The following CALN1 variants were observed in gnomAD, a reference collection of about 807,000 sequenced individuals.
CALN1 encodes the protein calneuron 1, also known as calcium-binding protein 8.
CALN1 carries 17 observed loss-of-function variants against 30.6 expected under a neutral mutation model. The observed-to-expected ratio is 0.56, with a 90% CI of 0.38 to 0.83. The LOEUF (loss-of-function observed/expected upper bound fraction) is 0.83, where lower values mean the gene tolerates loss of function less well. Ranked by LOEUF, CALN1 falls within the 40% of genes least tolerant of loss-of-function variation. CALN1 has a pLI of 0.00. For synonymous variants in CALN1, 156 were observed against 131.4 expected, an observed-to-expected ratio of 1.19 and a Z score of -1.28; for missense variants, 291 against 354.9, an observed-to-expected ratio of 0.82 and a Z score of 1.45.
intron 3 of CALN1, among the ~76,000 whole-genome samples, chr7:72,248,289 A>T (rs1795324188): frequency 6.6e-6 from 1 of 151,992 alleles, no homozygotes; most frequent in East Asian, 1.9e-4. Flanking sequence ...TAATTTTTGT[A>T]TTTTTAGTAG....
At chr7:72,167,115 A>G (rs960065775) in intron 3 of CALN1, among the ~76,000 whole-genome samples, 2 of 152,148 alleles carry the variant, frequency 1.3e-5, no homozygotes, top group African/African-American at 2.4e-5. Context: ...AAGAAGTAAA[A>G]TAAGAATTGT....
At chr7:72,415,898 G>A (rs1807406450), upstream of CALN1, among the ~76,000 whole-genome samples, 1 of 152,198 alleles carries the variant, frequency 6.6e-6, no homozygotes, top group Non-Finnish European at 1.5e-5. Flanking sequence ...AGGTGCCTGA[G>A]TCTGATCTGT....
At chr7:72,335,809 T>A (rs1349615984) in intron 2 of CALN1, among the ~76,000 whole-genome samples, 1 of 152,098 alleles carries the variant, frequency 6.6e-6, no homozygotes, top group Non-Finnish European at 1.5e-5. Flanking sequence ...CGCAAGCCGA[T>A]CCCCTCGGTG....
chr7:72,313,681 G>C (rs1585450095), intron 2 of CALN1, among the ~76,000 whole-genome samples: 1 of 150,826 alleles, frequency 6.6e-6, no homozygotes, highest in Middle Eastern at 3.4e-3. Flanking sequence ...ACAGGCATGA[G>C]GCACCGTGCC....
intron 4 of CALN1, among the ~76,000 whole-genome samples, chr7:72,102,398 T>TCATG (rs1322431694): frequency 6.6e-6 from 1 of 152,108 alleles, no homozygotes; most frequent in African/African-American, 2.4e-5. Flanking sequence ...TGAGCCAAGA[T>TCATG]CATGCCACTG....
At chr7:72,276,300 A>C (rs1269527404) in intron 3 of CALN1, among the ~76,000 whole-genome samples, 2 of 152,166 alleles carry the variant, frequency 1.3e-5, no homozygotes, top group Non-Finnish European at 2.9e-5. Context: ...GTCTATTCAC[A>C]GTGAAGACTC....
At chr7:71,823,869 T>A (rs772956920) in intron 5 of CALN1, among the ~76,000 whole-genome samples, 3 of 152,158 alleles carry the variant, frequency 2.0e-5, no homozygotes, top group Admixed American at 6.5e-5. Flanking sequence ...GGACTTCTTA[T>A]ATGGTGGCAG....
At chr7:72,389,578 T>C (rs534650653) in intron 2 of CALN1, among the ~76,000 whole-genome samples, 8 of 152,208 alleles carry the variant, frequency 5.3e-5, no homozygotes, top group Non-Finnish European at 8.8e-5. Flanking sequence ...TGACTGTTGT[T>C]ATCTTGCCCT....
intron 2 of CALN1, among the ~76,000 whole-genome samples, chr7:72,356,803 T>C (rs1300211629): frequency 6.6e-6 from 1 of 151,906 alleles, no homozygotes; most frequent in African/African-American, 2.4e-5. Flanking sequence ...AACTGTAAAT[T>C]AGGAAAATGA....
intron 2 of CALN1, among the ~76,000 whole-genome samples, chr7:72,376,189 T>A (rs1804542824): frequency 6.6e-6 from 1 of 152,258 alleles, no homozygotes; most frequent in Admixed American, 6.5e-5. Context: ...TTGTCAATAA[T>A]TCTGCTACAA....
intron 3 of CALN1, among the ~76,000 whole-genome samples, chr7:72,223,928 T>G (rs1793486875): frequency 6.6e-6 from 1 of 152,170 alleles, no homozygotes; most frequent in Non-Finnish European, 1.5e-5. Flanking sequence ...TGTTCTGATG[T>G]ATACATGGAG....
intron 4 of CALN1, among the ~76,000 whole-genome samples, chr7:72,062,538 A>AG (rs1803736003): frequency 1.4e-5 from 2 of 144,120 alleles, no homozygotes; most frequent in Admixed American, 7.1e-5. Flanking sequence ...AAAGAAAAAA[A>AG]ATAAATAAAT....
At chr7:72,027,731 AC>A (rs1562989222) in intron 4 of CALN1, among the ~76,000 whole-genome samples, 72 of 140,498 alleles carry the variant, frequency 5.1e-4, no homozygotes, top group East Asian at 1.9e-3. Flanking sequence ...AAACAAACAC[AC>A]ACACACACAC....
chr7:71,841,868 G>A (rs1466449426), intron 5 of CALN1, among the ~76,000 whole-genome samples: 1 of 151,782 alleles, frequency 6.6e-6, no homozygotes, highest in Non-Finnish European at 1.5e-5. Context: ...AGAGGGAGGG[G>A]GACAAGGGCT....
intron 2 of CALN1, among the ~76,000 whole-genome samples, chr7:72,315,427 C>G: frequency 6.6e-6 from 1 of 152,086 alleles, no homozygotes; most frequent in Admixed American, 6.6e-5. Context: ...AGCTAAAACA[C>G]CAACACAAAA....
intron 2 of CALN1, among the ~76,000 whole-genome samples, chr7:72,332,447 T>G (rs752024753): frequency 4.6e-5 from 7 of 152,022 alleles, no homozygotes; most frequent in Non-Finnish European, 1.0e-4. Context: ...TATGGAGAGC[T>G]GCTTCCACCC....
intron 4 of CALN1, among the ~76,000 whole-genome samples, chr7:72,074,292 C>A (rs937311362): frequency 2.0e-5 from 3 of 152,170 alleles, no homozygotes; most frequent in Admixed American, 2.0e-4. Context: ...AGAGAAGACA[C>A]AGTCTGATAT....
intron 3 of CALN1, among the ~76,000 whole-genome samples, chr7:72,251,332 T>C (rs768362936): frequency 3.9e-5 from 6 of 152,172 alleles, no homozygotes; most frequent in Non-Finnish European, 5.9e-5. Flanking sequence ...TCAGGGCCCA[T>C]CTCAAGTGCC....
chr7:72,292,165 A>C (rs1184180138), intron 2 of CALN1, among the ~76,000 whole-genome samples: 1 of 152,022 alleles, frequency 6.6e-6, no homozygotes, highest in Non-Finnish European at 1.5e-5. Context: ...TTACTCTTGC[A>C]CCAACCCAAT....
Sources: allele counts gnomAD v4.1 joint callset (sites outside exome capture counted in the v4.1 genomes callset), GRCh38; gene constraint gnomAD v4.1.1; transcripts MANE v1.5; gene names NCBI Gene and HGNC (gene_info 2026-07-23, HGNC 2026-07-21).